CEP44: variants seen among roughly 807,000 people sequenced by gnomAD.
CEP44 encodes centrosomal protein 44, also known as centrosomal protein of 44 kDa.
Under a neutral mutation model 46.7 loss-of-function variants are expected in CEP44, and 45 were observed. That is an observed-to-expected ratio of 0.96 (90% CI 0.76 to 1.24). The LOEUF is 1.24. Ranked by LOEUF, CEP44 falls within the 50% of genes most tolerant of loss-of-function variation. CEP44 has a pLI of 0.00. For synonymous variants in CEP44, 142 were observed against 146.0 expected, an observed-to-expected ratio of 0.97 and a Z score of 0.20; for missense variants, 475 against 459.7, an observed-to-expected ratio of 1.03 and a Z score of -0.30.
intron 8 of CEP44, among the ~76,000 whole-genome samples, chr4:174,328,015 A>C (rs920371566): frequency 2.0e-5 from 3 of 152,212 alleles, no homozygotes; most frequent in African/African-American, 7.2e-5. Flanking sequence ...CATAAGAGAA[A>C]AAATAAATTT....
chr4:174,328,275 G>A (rs1018813369), intron 8 of CEP44, among the ~76,000 whole-genome samples: 4 of 152,184 alleles, frequency 2.6e-5, no homozygotes, highest in East Asian at 1.9e-4. Context: ...GGGCTGACTG[G>A]TTGGATAACG....
At position 174,301,418 on chromosome 4, in the gene CEP44, G is replaced by T. The variant is rs1285123403; in HGVS notation, c.90-621G>T. The stretch of plus-strand genomic sequence containing the variant: ...TTGAGGAAAGCTTCATGGGAAGCTT[G>T]AGATTTGATGAATGATTTGTAAAAA... On this transcript the variant is annotated intron_variant, in intron 3 of 11. Transcript: ENST00000503780. This position sits in a 1 kb window ranked among gnomAD's most constrained non-coding sequence, Gnocchi z 4.3. Among the ~76,000 whole-genome samples the T allele has an allele frequency of 1.3e-5, 2 of 152,150 alleles. No homozygotes were observed. The highest frequency in any genetic ancestry group is 2.9e-5 in the Non-Finnish European group (2 of 67,990).
In CEP44 at chr4:174,325,874, T is replaced by C. The variant is rs368667139; in HGVS notation, c.1087-5608T>C. 1.4e-4 allele frequency among the ~76,000 whole-genome samples: 22 copies of C among 152,188 alleles called. No homozygotes were observed. The highest frequency in any genetic ancestry group is 3.2e-3 in the Middle Eastern group (1 of 316). On this transcript the variant is annotated intron_variant, in intron 8 of 8. Transcript: ENST00000426172. The surrounding 1 kb of genome is among the most constrained non-coding windows in gnomAD (Gnocchi z 4.4). ...TAATATTCTCTCCTGATATCTATGT[T>C]GTCTGACAGCTATTCCAGATTTCTC...
rs1740784350 is a variant in CEP44 at position 174,309,129 on chromosome 4, G to T, written c.678+270G>T. 6.6e-6 allele frequency among the ~76,000 whole-genome samples: 1 copy of T among 152,084 alleles called. No individual in the cohort carries two copies. The highest frequency in any genetic ancestry group is 1.5e-5 in the Non-Finnish European group (1 of 67,968). On this transcript the variant is annotated intron_variant, in intron 7 of 11. Transcript: ENST00000503780. This position sits in a 1 kb window ranked among gnomAD's most constrained non-coding sequence, Gnocchi z 5.3. Reference sequence around the variant, plus strand: ...TTGGCTTTAAGGAATCTACAATTTAGTGAGACATAGCGATATGCTACTTTG... The same window carrying T: ...TTGGCTTTAAGGAATCTACAATTTATTGAGACATAGCGATATGCTACTTTG...
At chr4:174,294,062 T>A (rs950426922) in intron 1 of CEP44, among the ~76,000 whole-genome samples, 27 of 151,324 alleles carry the variant, frequency 1.8e-4, no homozygotes, top group Admixed American at 5.9e-4. Flanking sequence ...TTTTTTTTTT[T>A]ATTGATCATT....
chr4:174,304,292 C>T lies in CEP44; in HGVS notation c.430C>T (p.Pro144Ser). The T allele has an allele frequency of 6.2e-7, 1 of 1,610,270 alleles. No homozygotes were observed. The highest frequency in any genetic ancestry group is 8.5e-7 in the Non-Finnish European group (1 of 1,179,010). Reference sequence around the variant, plus strand: ...GAAAATCAGTTCTGGTAAGTCAGAACCTCCTTTGGGCAATGAGAAAATATC... The same window carrying T: ...GAAAATCAGTTCTGGTAAGTCAGAATCTCCTTTGGGCAATGAGAAAATATC... The part of the protein sequence containing the change: ...RKKISSGKSE[P>S]PLGNEKISAE... Residue 144 changes from proline to serine, a missense_variant, in exon 6 of 12, where the codon CCT becomes TCT. Transcript: ENST00000503780.
Position 174,317,770 on chromosome 4 carries a change from T to C in CEP44, c.*387T>C, listed in dbSNP as rs1741900096. The C allele has an allele frequency of 2.0e-6, 2 of 987,472 alleles. No individual in the cohort carries two copies. The highest frequency in any genetic ancestry group is 2.4e-6 in the Non-Finnish European group (2 of 831,076). The allele number at this position is 987,472 out of a possible 1,614,324, so 61.2% of individuals were successfully genotyped here. On this transcript the variant is annotated 3_prime_UTR_variant, in exon 12 of 12. Transcript: ENST00000503780. ...AACATTCCAAATGGGACTTGTGTAT[T>C]ATACCCAGGAGGCTCTCATATATAC...
intron 3 of CEP44, 63 bp downstream of exon 3, chr4:174,299,273 A>C (rs567241640): frequency 5.2e-4 from 688 of 1,312,912 alleles, no homozygotes; most frequent in Non-Finnish European, 6.7e-4. Context: ...GATATTTAAC[A>C]TGGGGGACTA....
rs1739206576 is a variant in CEP44, at chr4:174,297,654, G to A, written c.-147-312G>A. Among the ~76,000 whole-genome samples the A allele has an allele frequency of 3.0e-5, 1 of 33,176 alleles. No homozygotes were observed. The highest frequency in any genetic ancestry group is 9.4e-5 in the African/African-American group (1 of 10,666). The allele number at this position is 33,176 out of a possible 152,430, so 21.8% of individuals were successfully genotyped here. On this transcript the variant is annotated intron_variant, in intron 1 of 11. Transcript: ENST00000503780. The surrounding 1 kb of genome is among the most constrained non-coding windows in gnomAD (Gnocchi z 4.3). ...AGATATAGGAAGAAACTTTATTAGT[G>A]TGTGTGTGTGTGTGTGTGTGTGTGT...
chr4:174,309,896 C>T lies in CEP44; in HGVS notation c.725C>T (p.Ala242Val). ...ATTACTGCACTACAAACTATGCTTG[C>T]TGAATGCCAAGAAAATCTTAAGAAA... is the stretch of plus-strand genomic sequence containing the variant. ...PEITALQTML[A>V]ECQENLKKLT... Residue 242 changes from alanine (A) to valine (V), a missense_variant, in exon 8 of 12, where the codon GCT becomes GTT. Ala to Val is a moderately conservative substitution (Grantham distance 64, BLOSUM62 0). Transcript: ENST00000503780. The surrounding 1 kb of genome is among the most constrained non-coding windows in gnomAD (Gnocchi z 5.3). 1 of 1,612,032 alleles carries T rather than the reference C, an allele frequency of 6.2e-7. No individual in the cohort carries two copies. Among genetic ancestry groups the T allele is most frequent in the Non-Finnish European group, 8.5e-7 (1 of 1,178,720 alleles).
Position 174,316,249 on chromosome 4 carries a change from G to T in CEP44, c.1045G>T (p.Ala349Ser). Residue 349 changes from alanine to serine, a missense_variant, in exon 10 of 12, where the codon GCC (alanine) becomes TCC (serine). Transcript: ENST00000503780. ...STASSDSTPR[A>S]STVNYCGLNE... ...AGCATCATCAGATTCAACTCCCAGA[G>T]CCTCTACTGTTAATTACTGTGGTTT... The T allele has an allele frequency of 6.2e-7, 1 of 1,612,078 alleles. No individual in the cohort carries two copies. The highest frequency in any genetic ancestry group is 8.5e-7 in the Non-Finnish European group (1 of 1,178,182).
chr4:174,310,196 T>C lies in CEP44; in HGVS notation c.885+140T>C, dbSNP rs79548708. On this transcript the variant is annotated intron_variant, in intron 8 of 11. Transcript: ENST00000503780. The surrounding 1 kb of genome is among the most constrained non-coding windows in gnomAD (Gnocchi z 4.2). ...AAAATGTCTAGTTAGAATGAAGTCC[T>C]GTTTAAATATAGCCTGTATGTTGTT... The C allele has an allele frequency of 0.011, 8,119 of 737,156 alleles. 65 individuals are homozygous for C. Among genetic ancestry groups the C allele is most frequent in the Middle Eastern group, 0.022 (54 of 2,496 alleles). 45.7% of individuals were successfully genotyped at this position (737,156 alleles called of 1,614,324 possible). A position where few individuals can be genotyped will look rare whatever the true frequency, so the allele number is the denominator to read the frequency against.
intron 11 of CEP44, 42 bp downstream of exon 11, chr4:174,316,609 G>T: frequency 6.6e-7 from 1 of 1,525,568 alleles, no homozygotes; most frequent in South Asian, 1.2e-5. Context: ...TTTCTCTATA[G>T]GGAATTGTAT....
intron 4 of CEP44, among the ~76,000 whole-genome samples, chr4:174,302,485 G>T (rs183329726): frequency 6.6e-6 from 1 of 152,068 alleles, no homozygotes; most frequent in East Asian, 1.9e-4. Context: ...AGAGAGTAAT[G>T]TAATTATATT....
chr4:174,322,773 A>G (rs1300322538), downstream of CEP44, among the ~76,000 whole-genome samples: 1 of 152,198 alleles, frequency 6.6e-6, no homozygotes, highest in Non-Finnish European at 1.5e-5. Context: ...TGATTTTTAA[A>G]TTCAATATCT....
chr4:174,301,519 A>C lies in CEP44; in HGVS notation c.90-520A>C, dbSNP rs1339801833. On this transcript the variant is annotated intron_variant, in intron 3 of 11. Coordinates refer to ENST00000503780, the MANE Select transcript of CEP44 (RefSeq NM_001040157.3). The surrounding 1 kb of genome is among the most constrained non-coding windows in gnomAD (Gnocchi z 4.3). ...GTGGAATTAACATAGGTAATAATAT[A>C]CGATTTAGAAGGAGCAGTAAGTGAA... Among the ~76,000 whole-genome samples, 1 of 152,212 alleles carries C rather than the reference A, an allele frequency of 6.6e-6. No individual in the cohort carries two copies. Among genetic ancestry groups the C allele is most frequent in the Non-Finnish European group, 1.5e-5 (1 of 68,030 alleles).
chr4:174,328,773 G>A (rs1579183052), intron 8 of CEP44, among the ~76,000 whole-genome samples: 1 of 151,908 alleles, frequency 6.6e-6, no homozygotes, highest in African/African-American at 2.4e-5. Flanking sequence ...TTACAACTCA[G>A]GCTAATTAAA....
At position 174,312,400 on chromosome 4, in the gene CEP44, C is replaced by T. The variant is rs1207940061; in HGVS notation, c.961+1542C>T. 6.6e-6 allele frequency among the ~76,000 whole-genome samples: 1 copy of T among 151,928 alleles called. No individual in the cohort carries two copies. Among genetic ancestry groups the T allele is most frequent in the Non-Finnish European group, 1.5e-5 (1 of 67,980 alleles). On this transcript the variant is annotated intron_variant, in intron 9 of 11. Coordinates refer to ENST00000503780, the MANE Select transcript of CEP44 (RefSeq NM_001040157.3). The surrounding 1 kb of genome is among the most constrained non-coding windows in gnomAD (Gnocchi z 4.5). Reference sequence around the variant, plus strand: ...TAACTCCTTGGCTTAAAGTGATCCTCCTTTCTCAGCCTCCTGAGTAGCTGG... The same window carrying T: ...TAACTCCTTGGCTTAAAGTGATCCTTCTTTCTCAGCCTCCTGAGTAGCTGG...
Position 174,299,208 on chromosome 4 carries a change from A to C in CEP44, c.87A>C (p.Val29=), listed in dbSNP as rs755411530. 2 of 1,604,538 alleles carry C rather than the reference A, an allele frequency of 1.2e-6. No individual in the cohort carries two copies. The highest frequency in any genetic ancestry group is 1.7e-6 in the Non-Finnish European group (2 of 1,174,274). ...ATTATCCTGAAGAGGTGGACTGTGT[A>C]GGGTAAGCTATAATATCAAACTTAA... is the stretch of plus-strand genomic sequence containing the variant. ...LLNYPEEVDC[V]GLIKGDPAAS... Residue 29 remains valine (V), a splice_region_variant and synonymous_variant, in exon 3 of 12, where the codon GTA becomes GTC. Transcript: ENST00000503780.
Sources: allele counts gnomAD v4.1 joint callset (sites outside exome capture counted in the v4.1 genomes callset), GRCh38; gene constraint gnomAD v4.1.1; non-coding constraint Gnocchi (gnomAD v3.1); transcripts MANE v1.5; gene names NCBI Gene and HGNC (gene_info 2026-07-23, HGNC 2026-07-21).